Variants in HMCN2 observed in about 807,000 individuals in gnomAD.
HMCN2 encodes hemicentin 2.
A neutral mutation model predicts 377.5 loss-of-function variants in HMCN2; 325 were observed. That is an observed-to-expected ratio of 0.86 (90% CI 0.79 to 0.94). The LOEUF (loss-of-function observed/expected upper bound fraction) is 0.94. HMCN2 is among the 40% of genes least tolerant of loss of function. The pLI is 0.00. For synonymous variants in HMCN2, 2,007 were observed against 2,046.8 expected (o/e 0.98, Z 0.53); for missense variants, 4,543 against 4,725.3 (o/e 0.96, Z 1.13).
intron 85 of HMCN2, among the ~76,000 whole-genome samples, chr9:130,416,906 TTTTATTTA>T (rs1037543310): frequency 2.0e-5 from 3 of 151,500 alleles, no homozygotes; most frequent in African/African-American, 7.3e-5. Context: ...ATCACAAGTG[TTTTATTTA>T]TTTATTTATT....
At chr9:130,310,158 G>A (rs1837161759) in intron 15 of HMCN2, 97 bp downstream of exon 15, 1 of 391,698 alleles carries the variant, frequency 2.6e-6, no homozygotes, top group African/African-American at 2.1e-5. Flanking sequence ...TCACACAAGT[G>A]GCCAGTGTAG....
In HMCN2 at chr9:130,355,045, G is replaced by A; in HGVS notation, c.5146+1G>A. On this transcript the variant is annotated splice_donor_variant, in intron 32 of 97. Coordinates refer to ENST00000683500, the MANE Select transcript of HMCN2 (RefSeq NM_001291815.2). LOFTEE classifies it high-confidence loss of function. ...CTGCAGTACTCCGTGGAGGTTCAGG[G>A]TGAGCCCGGCCCACCCCACTCAGAG... 7.9e-7 allele frequency: 1 copy of A among 1,272,728 alleles called. No individual in the cohort carries two copies. Among genetic ancestry groups the A allele is most frequent in the South Asian group, 1.3e-5 (1 of 79,422 alleles). The allele number at this position is 1,272,728 out of a possible 1,614,324, so 78.8% of individuals were successfully genotyped here.
chr9:130,377,121 T>C (rs901170723), intron 52 of HMCN2, among the ~76,000 whole-genome samples: 1 of 151,674 alleles, frequency 6.6e-6, no homozygotes, highest in African/African-American at 2.4e-5. Flanking sequence ...TATTTTTTTA[T>C]TTTTATTTTT....
At chr9:130,315,356 C>T (rs1480021290) in intron 15 of HMCN2, among the ~76,000 whole-genome samples, 1 of 24,482 alleles carries the variant, frequency 4.1e-5, no homozygotes, top group African/African-American at 2.2e-4. Flanking sequence ...CACTCCCCTC[C>T]CTCTCCCCTC....
intron 30 of HMCN2, among the ~76,000 whole-genome samples, chr9:130,352,671 G>C (rs1839798500): frequency 6.6e-6 from 1 of 152,120 alleles, no homozygotes; most frequent in Non-Finnish European, 1.5e-5. Context: ...CAGTATGTTA[G>C]AGCAGAGCAG....
intron 23 of HMCN2, among the ~76,000 whole-genome samples, chr9:130,339,872 G>A (rs1312795656): frequency 6.6e-6 from 1 of 152,188 alleles, no homozygotes; most frequent in African/African-American, 2.4e-5. Context: ...GCACCTCAGT[G>A]TCCCTCGAGG....
intron 76 of HMCN2, chr9:130,400,337 A>C (rs1020565265): frequency 6.5e-6 from 1 of 153,918 alleles, no homozygotes; most frequent in African/African-American, 2.4e-5. Flanking sequence ...GCTTGAGCCC[A>C]GGGAGTCCTG....
chr9:130,364,594 C>A, intron 40 of HMCN2, 120 bp from the exon 41 acceptor site: 1 of 301,366 alleles, frequency 3.3e-6, no homozygotes, highest in Non-Finnish European at 4.9e-6. Flanking sequence ...GGACTGAAGG[C>A]AGAGGAAGGG....
intron 62 of HMCN2, among the ~76,000 whole-genome samples, chr9:130,388,850 G>A (rs1478292118): frequency 6.6e-6 from 1 of 152,242 alleles, no homozygotes; most frequent in Non-Finnish European, 1.5e-5. Context: ...TGAGGGCCAT[G>A]GAAAGCCCAC....
intron 22 of HMCN2, among the ~76,000 whole-genome samples, chr9:130,337,165 T>C (rs1588263333): frequency 6.6e-6 from 1 of 152,116 alleles, no homozygotes; most frequent in Non-Finnish European, 1.5e-5. Context: ...CAGGGGGCCC[T>C]TGGGGTCCAG....
intron 34 of HMCN2, among the ~76,000 whole-genome samples, chr9:130,356,768 G>A (rs889771745): frequency 6.6e-6 from 1 of 152,214 alleles, no homozygotes; most frequent in Non-Finnish European, 1.5e-5. Flanking sequence ...CATCTCCACT[G>A]TCCACCTCTG....
Position 130,397,289 on chromosome 9 carries a change from T to C in HMCN2, c.11199-239T>C, listed in dbSNP as rs577496956. Among the ~76,000 whole-genome samples the C allele has an allele frequency of 1.2e-3, 182 of 152,296 alleles. 1 individual carries two copies. Among genetic ancestry groups the C allele is most frequent in the African/African-American group, 4.1e-3 (171 of 41,554 alleles). ...CAGATCTCGTGAGACCCATTCACTA[T>C]CACGAGATCAGCACGGGAAAGACCC... On this transcript the variant is annotated intron_variant, in intron 73 of 97. Transcript: ENST00000683500.
rs1844307643 is a variant in HMCN2 at position 130,425,768 on chromosome 9, C to T, written c.13723C>T (p.Pro4575Ser). 2 of 1,550,636 alleles carry T rather than the reference C, an allele frequency of 1.3e-6. No homozygotes were observed. Among genetic ancestry groups the T allele is most frequent in the Non-Finnish European group, 8.7e-7 (1 of 1,147,000 alleles). ...STQRFFQGGLPSFLRCNHSIQ... is the reference protein window; with the variant it reads ...STQRFFQGGLSSFLRCNHSIQ... ...ACAGCGCTTCTTCCAGGGCGGCCTC[C>T]CCTCGTTCCTACGCTGCAACCACAG... The change falls in exon 90 of 98, where the codon CCC becomes TCC. Residue 4575 changes from proline to serine, a missense_variant. Transcript: ENST00000683500.
At chr9:130,417,476 C>T (rs554556065) in intron 85 of HMCN2, among the ~76,000 whole-genome samples, 2 of 134,368 alleles carry the variant, frequency 1.5e-5, no homozygotes, top group South Asian at 2.5e-4. Context: ...GAGCTGAGAT[C>T]GTACCACTGC....
chr9:130,391,212 C>T lies in HMCN2; in HGVS notation c.9676C>T (p.Arg3226Trp), dbSNP rs939674211. 13 of 987,816 alleles carry T rather than the reference C, an allele frequency of 1.3e-5. No individual in the cohort carries two copies. In the African/African-American group the frequency reaches 1.4e-4, roughly 11 times the overall value. The allele number at this position is 987,816 out of a possible 1,614,324, so 61.2% of individuals were successfully genotyped here. A position where few individuals can be genotyped will look rare whatever the true frequency, so the allele number is the denominator to read the frequency against. The change falls in exon 64 of 98, where the codon CGG (arginine) becomes TGG (tryptophan). Residue 3226 changes from arginine (R) to tryptophan (W), a missense_variant. Physicochemically the swap from Arg to Trp is moderately radical, Grantham distance 101 (BLOSUM62 -3). Around this residue, in one of 5 missense-constraint regions of HMCN2, gnomAD observed 736 missense variants for 773.2 expected, o/e 0.95. Coordinates refer to ENST00000683500, the MANE Select transcript of HMCN2 (RefSeq NM_001291815.2). ...DFVVAVLVAP[R>W]IRSSGVAREH... ...CTGCACCCCTGCCTCAGTGGCCCCC[C>T]GGATCCGGAGCTCGGGCGTGGCGCG...
intron 82 of HMCN2, 138 bp from the exon 83 acceptor site, chr9:130,407,433 C>T (rs533108460): frequency 5.8e-5 from 39 of 677,838 alleles, no homozygotes; most frequent in Middle Eastern, 5.2e-4. Flanking sequence ...CTCCCAGGAA[C>T]GTGTCTGATT....
At position 130,416,508 on chromosome 9, in the gene HMCN2, A is replaced by C. The variant is rs1266907383; in HGVS notation, c.12962-2264A>C. ...TCGTCCATATTGTTCACGTGGAATTAGTTTATTGGTTCTCATTGCTGTGTG... is the reference window on the plus strand; with the variant it reads ...TCGTCCATATTGTTCACGTGGAATTCGTTTATTGGTTCTCATTGCTGTGTG... On this transcript the variant is annotated intron_variant, in intron 85 of 97. Coordinates refer to ENST00000683500, the MANE Select transcript of HMCN2 (RefSeq NM_001291815.2). Among the ~76,000 whole-genome samples, 3 of 152,154 alleles carry C rather than the reference A, an allele frequency of 2.0e-5. 1 individual carries two copies. The highest frequency in any genetic ancestry group is 7.2e-5 in the African/African-American group (3 of 41,456).
intron 54 of HMCN2, among the ~76,000 whole-genome samples, chr9:130,381,370 T>A (rs1166697163): frequency 6.6e-6 from 1 of 151,312 alleles, no homozygotes; most frequent in African/African-American, 2.4e-5. Context: ...TGGCCTTGGA[T>A]GGCTCTTTTT....
rs114646279 is a variant in HMCN2, at chr9:130,351,385, C to T, written c.4431-38C>T. On this transcript the variant is annotated intron_variant, in intron 29 of 97. Transcript: ENST00000683500. This position sits in a 1 kb window ranked among gnomAD's most constrained non-coding sequence, Gnocchi z 5.4. Reference sequence around the variant, plus strand: ...GTGCAGCGTGTCCCATCCAGCCCCTCGGCCTTACTGGCGCTTTTCCCTTGC... The same window carrying T: ...GTGCAGCGTGTCCCATCCAGCCCCTTGGCCTTACTGGCGCTTTTCCCTTGC... 2,853 of 1,284,268 alleles carry T rather than the reference C, an allele frequency of 2.2e-3. 54 individuals carry two copies. In the African/African-American group the frequency reaches 0.039, roughly 18 times the overall value. The allele number at this position is 1,284,268 out of a possible 1,614,324, so 79.6% of individuals were successfully genotyped here.
Sources: allele counts gnomAD v4.1 joint callset (sites outside exome capture counted in the v4.1 genomes callset), GRCh38; gene constraint gnomAD v4.1.1; regional missense constraint gnomAD v4.1.1; non-coding constraint Gnocchi (gnomAD v3.1); transcripts MANE v1.5; gene names NCBI Gene and HGNC (gene_info 2026-07-23, HGNC 2026-07-21).